Variants in NELL2 observed in about 807,000 individuals in gnomAD.
The protein encoded by NELL2 is protein kinase C-binding protein NELL2.
A neutral mutation model predicts 109.6 loss-of-function variants in NELL2; 41 were observed. The ratio of observed to expected loss-of-function variants is 0.37; its 90% CI spans 0.29 to 0.49. NELL2 has a LOEUF of 0.49. Among genes scored for constraint, NELL2 ranks in the 20% least tolerant of loss-of-function variants. The probability of loss-of-function intolerance (pLI) is 0.98; values close to 1 mark genes in which losing one functional copy is unlikely to be tolerated. For missense variants in NELL2, 900 were observed against 1,008.3 expected (o/e 0.89, Z 1.45); for synonymous variants, 355 against 344.7 (o/e 1.03, Z -0.33).
In NELL2 at chr12:44,886,081, T is replaced by TAGGA. The variant is rs1388356004; in HGVS notation, c.39-10182_39-10181insTCCT. On this transcript the variant is annotated intron_variant, in intron 1 of 20. Transcript: ENST00000333837. Reference sequence around the variant, plus strand: ...ATGCCAGAACAATGGAACATCCATATAGTAAGGAAGGAAGGAAGGAAGGAA... The same window carrying TAGGA: ...ATGCCAGAACAATGGAACATCCATATAGGAAGTAAGGAAGGAAGGAAGGAAGGAA... Among the ~76,000 whole-genome samples, 498 of 107,878 alleles carry TAGGA rather than the reference T, an allele frequency of 4.6e-3. 7 individuals carry two copies. The highest frequency in any genetic ancestry group is 0.029 in the Admixed American group (291 of 9,900). The allele number at this position is 107,878 out of a possible 152,430, so 70.8% of individuals were successfully genotyped here.
At chr12:44,836,415 A>C (rs1944056342) in intron 2 of NELL2, among the ~76,000 whole-genome samples, 1 of 152,220 alleles carries the variant, frequency 6.6e-6, no homozygotes. Context: ...AGGTGAAACC[A>C]CACTCAAACT....
At chr12:44,735,522 G>T (rs1242666543) in intron 9 of NELL2, among the ~76,000 whole-genome samples, 1 of 152,098 alleles carries the variant, frequency 6.6e-6, no homozygotes, top group Non-Finnish European at 1.5e-5. Flanking sequence ...ATCTGGTTTT[G>T]GAATTCCAGC....
intron 12 of NELL2, among the ~76,000 whole-genome samples, chr12:44,702,383 A>G: frequency 6.6e-6 from 1 of 152,268 alleles, no homozygotes; most frequent in Non-Finnish European, 1.5e-5. Context: ...TGCTTACTAA[A>G]TATTTATTAC....
chr12:44,703,679 T>C (rs778817002), intron 12 of NELL2, 47 bp downstream of exon 12: 6 of 1,605,520 alleles, frequency 3.7e-6, no homozygotes, highest in Non-Finnish European at 5.1e-6. Flanking sequence ...CATGCAGTAA[T>C]CCTAGAAAAT....
At chr12:44,666,510 T>A (rs1262003164) in intron 12 of NELL2, among the ~76,000 whole-genome samples, 2 of 152,164 alleles carry the variant, frequency 1.3e-5, no homozygotes, top group Non-Finnish European at 2.9e-5. Context: ...TTAAGAGAAA[T>A]GGATCAACTA....
chr12:44,553,828 CA>C (rs957644983), intron 15 of NELL2, among the ~76,000 whole-genome samples: 2 of 152,100 alleles, frequency 1.3e-5, no homozygotes, highest in African/African-American at 4.8e-5. Context: ...TTAAATGTTC[CA>C]AACTAAAGAG....
chr12:44,699,828 T>A (rs1949174157), intron 12 of NELL2, among the ~76,000 whole-genome samples: 1 of 152,128 alleles, frequency 6.6e-6, no homozygotes, highest in African/African-American at 2.4e-5. Flanking sequence ...TGCTCTTCTC[T>A]CTCCTCCTAC....
chr12:44,605,785 A>T (rs1232491396), intron 15 of NELL2, among the ~76,000 whole-genome samples: 1 of 152,108 alleles, frequency 6.6e-6, no homozygotes, highest in Non-Finnish European at 1.5e-5. Context: ...GCACACAAAT[A>T]TTGTATTCAG....
chr12:44,788,261 G>GA (rs1942254279), intron 3 of NELL2, among the ~76,000 whole-genome samples: 1 of 152,110 alleles, frequency 6.6e-6, no homozygotes, highest in African/African-American at 2.4e-5. Context: ...CAGGAATTCT[G>GA]AAAGGACCCA....
intron 15 of NELL2, among the ~76,000 whole-genome samples, chr12:44,605,129 G>C (rs1252696113): frequency 6.6e-6 from 1 of 152,030 alleles, no homozygotes; most frequent in African/African-American, 2.4e-5. Context: ...TGAGGTCTTT[G>C]GATTTAAGGC....
At chr12:44,773,408 G>T (rs554273163) in intron 9 of NELL2, among the ~76,000 whole-genome samples, 2 of 152,016 alleles carry the variant, frequency 1.3e-5, no homozygotes, top group African/African-American at 4.8e-5. Context: ...CCTGGAAGGC[G>T]GAGCTTGCAG....
chr12:44,626,879 C>T (rs1164089151), intron 13 of NELL2, among the ~76,000 whole-genome samples: 1 of 152,100 alleles, frequency 6.6e-6, no homozygotes, highest in African/African-American at 2.4e-5. Context: ...CAATGAATTT[C>T]GATTTTACAG....
At chr12:44,698,171 A>G (rs1949118023) in intron 12 of NELL2, among the ~76,000 whole-genome samples, 1 of 152,174 alleles carries the variant, frequency 6.6e-6, no homozygotes, top group Admixed American at 6.5e-5. Flanking sequence ...TCTCATCTTA[A>G]CACATTAAAT....
intron 3 of NELL2, among the ~76,000 whole-genome samples, chr12:44,812,740 G>A (rs1003458332): frequency 6.6e-6 from 1 of 152,064 alleles, no homozygotes; most frequent in African/African-American, 2.4e-5. Context: ...AATATCACAG[G>A]GCATTAGTAA....
At chr12:44,921,602 C>T (rs1592722667) in intron 1 of NELL2, among the ~76,000 whole-genome samples, 2 of 152,140 alleles carry the variant, frequency 1.3e-5, no homozygotes, top group East Asian at 3.9e-4. Context: ...TAGAACAGTA[C>T]AAGCAATAAG....
intron 3 of NELL2, among the ~76,000 whole-genome samples, chr12:44,799,051 C>A (rs1284880309): frequency 6.8e-6 from 1 of 147,922 alleles, no homozygotes; most frequent in African/African-American, 2.5e-5. Context: ...CTCTGCCTCC[C>A]GGGTTCAAGT....
intron 19 of NELL2, among the ~76,000 whole-genome samples, chr12:44,515,069 T>C (rs1941198755): frequency 6.6e-6 from 1 of 151,710 alleles, no homozygotes; most frequent in South Asian, 2.1e-4. Flanking sequence ...CAGGAATGGA[T>C]AAACAGGTGT....
In NELL2 at chr12:44,840,534, G is replaced by A. The variant is rs534379542; in HGVS notation, c.185-24398C>T. ...CGCCTGTAGTGCCAGCTACTCGGGA[G>A]GCTGAGGCAGGAGAATGGTGAGAAC... On this transcript the variant is annotated intron_variant, in intron 2 of 19. Coordinates refer to ENST00000429094, the MANE Select transcript of NELL2 (RefSeq NM_001145108.2). 7.9e-4 allele frequency among the ~76,000 whole-genome samples: 120 copies of A among 152,254 alleles called. 2 individuals are homozygous for A. The highest frequency in any genetic ancestry group is 2.9e-3 in the African/African-American group (120 of 41,554).
chr12:44,876,847 A>G (rs530480047), upstream of NELL2: 2,583 of 1,311,552 alleles, frequency 2.0e-3, 11 homozygotes, highest in Non-Finnish European at 1.8e-3. Context: ...CAAAGTAGGT[A>G]GAGACTGGTG....
Sources: gnomAD v4.1 joint callset for allele counts (sites outside exome capture counted in the v4.1 genomes callset) on GRCh38, gnomAD v4.1.1 for gene constraint, MANE v1.5 for transcripts, NCBI Gene and HGNC (gene_info 2026-07-23, HGNC 2026-07-21) for gene names.